Variants in ATP5PD observed in about 807,000 individuals in gnomAD.
ATP5PD encodes the protein ATP synthase peripheral stalk subunit d, mitochondrial.
A neutral mutation model predicts 22.6 loss-of-function variants in ATP5PD; 13 were observed. The observed-to-expected ratio is 0.58, with a 90% CI of 0.37 to 0.91. The LOEUF (loss-of-function observed/expected upper bound fraction) is 0.91. Ranked by LOEUF, ATP5PD falls within the 40% of genes least tolerant of loss-of-function variation. The probability of loss-of-function intolerance (pLI) is 0.00; values close to 1 mark genes in which losing one functional copy is unlikely to be tolerated. For synonymous variants in ATP5PD, 51 were observed against 65.0 expected, an observed-to-expected ratio of 0.79 and a Z score of 1.03; for missense variants, 165 against 188.0, an observed-to-expected ratio of 0.88 and a Z score of 0.72.
At chr17:75,042,123 C>G in intron 3 of ATP5PD, 58 bp downstream of exon 3, 1 of 1,463,280 alleles carries the variant, frequency 6.8e-7, no homozygotes, top group Non-Finnish European at 9.5e-7. Flanking sequence ...ATCCCTGTTC[C>G]TGCTCCCTAC....
At chr17:75,043,095 G>A (rs951214174) in intron 1 of ATP5PD, among the ~76,000 whole-genome samples, 8 of 151,290 alleles carry the variant, frequency 5.3e-5, no homozygotes, top group Middle Eastern at 3.5e-3. Context: ...GGTGGCCCGC[G>A]CCATAATCCC....
chr17:75,039,642 T>C (rs1179136843), intron 4 of ATP5PD: 1 of 285,992 alleles, frequency 3.5e-6, no homozygotes, highest in Non-Finnish European at 6.6e-6. Context: ...CCTTCAGTGC[T>C]TTCAAGCAAA....
Position 75,038,900 on chromosome 17 carries a change from AC to A in ATP5PD, c.*31del. 1 of 1,600,104 alleles carries A rather than the reference AC, an allele frequency of 6.2e-7. No individual in the cohort carries two copies. Among genetic ancestry groups the A allele is most frequent in the East Asian group, 2.2e-5 (1 of 44,846 alleles). ...ATTTTTAATGTCCAGAATGTGTAATACAAGGGCCAGAGCTTCCTCCTGGACT... is the reference window on the plus strand; with the variant it reads ...ATTTTTAATGTCCAGAATGTGTAATAAAGGGCCAGAGCTTCCTCCTGGACT... On this transcript the variant is annotated 3_prime_UTR_variant, in exon 6 of 6. Coordinates refer to ENST00000301587, the MANE Select transcript of ATP5PD (RefSeq NM_006356.3).
chr17:75,040,421 T>A, intron 3 of ATP5PD: 1 of 469,768 alleles, frequency 2.1e-6, no homozygotes. Context: ...CAATTCTTTA[T>A]GATGATAAGC....
At chr17:75,046,693 T>A (rs1462073846) in intron 1 of ATP5PD, among the ~76,000 whole-genome samples, 1 of 152,162 alleles carries the variant, frequency 6.6e-6, no homozygotes, top group East Asian at 1.9e-4. Flanking sequence ...AGCGCCTACA[T>A]CAGCGGCGCC....
chr17:75,040,504 A>G (rs8080887), intron 3 of ATP5PD: 18,667 of 299,918 alleles, frequency 0.062, 1,225 homozygotes, highest in African/African-American at 0.18. Flanking sequence ...CTTGAATTGT[A>G]AAGAAATTCT....
At chr17:75,043,937 AT>A (rs1442015504) in intron 1 of ATP5PD, among the ~76,000 whole-genome samples, 1 of 152,024 alleles carries the variant, frequency 6.6e-6, no homozygotes, top group African/African-American at 2.4e-5. Context: ...TAAAAGGGCT[AT>A]CCCCTTCCAA....
At position 75,038,870 on chromosome 17, in the gene ATP5PD, T is replaced by G. The variant is rs1389847098; in HGVS notation, c.*62A>C. 5 of 1,533,090 alleles carry G rather than the reference T, an allele frequency of 3.3e-6. No homozygotes were observed. The African/African-American group carries it at 5.6e-5, about 17-fold the overall frequency. 95.0% of individuals were successfully genotyped at this position (1,533,090 alleles called of 1,614,324 possible). A position where few individuals can be genotyped will look rare whatever the true frequency, so the allele number is the denominator to read the frequency against. On this transcript the variant is annotated 3_prime_UTR_variant, in exon 6 of 6. Transcript: ENST00000301587. ...AAGAAGCACACCCAGAACTGTATAA[T>G]TATTATTTTTAATGTCCAGAATGTG... is the stretch of plus-strand genomic sequence containing the variant.
intron 1 of ATP5PD, among the ~76,000 whole-genome samples, 178 bp from the exon 2 acceptor site, chr17:75,042,837 C>A (rs1029239003): frequency 1.3e-5 from 2 of 151,986 alleles, no homozygotes; most frequent in Non-Finnish European, 2.9e-5. Flanking sequence ...GTCGAGACTG[C>A]ATCACTGCAC....
intron 1 of ATP5PD, among the ~76,000 whole-genome samples, chr17:75,045,080 G>A (rs909187840): frequency 1.7e-4 from 26 of 152,200 alleles, no homozygotes; most frequent in African/African-American, 6.0e-4. Context: ...GAGTACAAAA[G>A]AGAGAAATTT....
chr17:75,042,376 C>A, intron 2 of ATP5PD, 99 bp from the exon 3 acceptor site: 1 of 1,494,366 alleles, frequency 6.7e-7, no homozygotes, highest in Non-Finnish European at 9.2e-7. Context: ...TGGAGGGTCA[C>A]CACACTTTCC....
intron 1 of ATP5PD, among the ~76,000 whole-genome samples, chr17:75,046,569 G>A (rs1410822506): frequency 6.6e-6 from 1 of 152,232 alleles, no homozygotes; most frequent in East Asian, 1.9e-4. Flanking sequence ...CCCGCAGCCA[G>A]CTGAGCGTCC....
chr17:75,042,287 A>C lies in ATP5PD; in HGVS notation c.123-10T>G. On this transcript the variant is annotated splice_polypyrimidine_tract_variant and intron_variant, in intron 2 of 5. Coordinates refer to ENST00000301587, the MANE Select transcript of ATP5PD (RefSeq NM_006356.3). ...AGGTAAAGCAGCCAACCTGCCCACAAGGAAAGGCAAAAGTTAGGATTGTTC... is the reference window on the plus strand; with the variant it reads ...AGGTAAAGCAGCCAACCTGCCCACACGGAAAGGCAAAAGTTAGGATTGTTC... 1.2e-6 allele frequency: 2 copies of C among 1,613,322 alleles called. No homozygotes were observed. The highest frequency in any genetic ancestry group is 1.7e-6 in the Non-Finnish European group (2 of 1,179,662).
chr17:75,039,605 G>C lies in ATP5PD; in HGVS notation c.292-334C>G, dbSNP rs1364689650. On this transcript the variant is annotated intron_variant, in intron 4 of 5. Transcript: ENST00000301587. ...TGAGCACCTAGCCAGACTTCTCTCT[G>C]GTGGAGCCACTGAGTTCCATAGTTG... 5.7e-5 allele frequency: 18 copies of C among 318,322 alleles called. No homozygotes were observed. In the East Asian group the frequency reaches 1.2e-3, roughly 21 times the overall value. The allele number at this position is 318,322 out of a possible 1,614,324, so 19.7% of individuals were successfully genotyped here. A position where few individuals can be genotyped will look rare whatever the true frequency, so the allele number is the denominator to read the frequency against.
At chr17:75,046,273 G>A (rs1429662733) in intron 1 of ATP5PD, among the ~76,000 whole-genome samples, 2 of 152,130 alleles carry the variant, frequency 1.3e-5, no homozygotes, top group Admixed American at 6.5e-5. Context: ...TAGTAGAGGC[G>A]GGGTTTCACT....
intron 1 of ATP5PD, 39 bp downstream of exon 1, chr17:75,046,886 C>T (rs2073225835): frequency 6.5e-6 from 1 of 153,524 alleles, no homozygotes; most frequent in Admixed American, 6.5e-5. Context: ...GCAGAGGAGC[C>T]CTCCAGGGAT....
chr17:75,046,437 T>C (rs1040351603), intron 1 of ATP5PD, among the ~76,000 whole-genome samples: 3 of 152,158 alleles, frequency 2.0e-5, no homozygotes, highest in Non-Finnish European at 4.4e-5. Flanking sequence ...CTAGAACAGA[T>C]CATGCGCATA....
intron 1 of ATP5PD, among the ~76,000 whole-genome samples, chr17:75,042,896 A>C (rs1165053762): frequency 6.6e-6 from 1 of 151,900 alleles, no homozygotes; most frequent in East Asian, 1.9e-4. Context: ...AAAAGAAAAA[A>C]AGACAGTGTA....
rs575261109 is a variant in ATP5PD, at chr17:75,044,222, G to A, written c.-9-1563C>T. On this transcript the variant is annotated intron_variant, in intron 1 of 5. Transcript: ENST00000301587. ...GTATTTTTTTTTTTTTTTTTGAGAC[G>A]GAGTCTCGCTCTGTCGCCCAGGCCG... Among the ~76,000 whole-genome samples the A allele has an allele frequency of 7.1e-4, 54 of 75,530 alleles. 9 individuals are homozygous for A. Among genetic ancestry groups the A allele is most frequent in the African/African-American group, 2.2e-3 (9 of 4,002 alleles). 49.6% of individuals were successfully genotyped at this position (75,530 alleles called of 152,430 possible). A position where few individuals can be genotyped will look rare whatever the true frequency, so the allele number is the denominator to read the frequency against.
Sources: allele counts gnomAD v4.1 joint callset (sites outside exome capture counted in the v4.1 genomes callset), GRCh38; gene constraint gnomAD v4.1.1; transcripts MANE v1.5; gene names NCBI Gene and HGNC (gene_info 2026-07-23, HGNC 2026-07-21).